Variants in BRIP1 observed in about 807,000 individuals in gnomAD.
BRIP1 encodes the protein Fanconi anemia group J protein.
Under a neutral mutation model 119.7 loss-of-function variants are expected in BRIP1, and 88 were observed. The observed-to-expected ratio is 0.74, with a 90% CI of 0.62 to 0.88. The LOEUF (loss-of-function observed/expected upper bound fraction) is 0.88. BRIP1 is among the 40% of genes least tolerant of loss of function. The probability of loss-of-function intolerance (pLI) is 0.00; values close to 1 mark genes in which losing one functional copy is unlikely to be tolerated. For synonymous variants in BRIP1, 443 were observed against 496.5 expected, an observed-to-expected ratio of 0.89 and a Z score of 1.43; for missense variants, 1,259 against 1,455.4, an observed-to-expected ratio of 0.87 and a Z score of 2.20.
At position 61,743,821 on chromosome 17, in the gene BRIP1, G is replaced by A. The variant is rs1434586355; in HGVS notation, c.2257+611C>T. 1.3e-5 allele frequency among the ~76,000 whole-genome samples: 2 copies of A among 152,038 alleles called. No homozygotes were observed. On this transcript the variant is annotated intron_variant, in intron 15 of 19. Transcript: ENST00000259008. This position sits in a 1 kb window ranked among gnomAD's most constrained non-coding sequence, Gnocchi z 4.3. ...TCCCACCTCGGCCTCCTAAGTAGTTGGAACTATAGGCACATGCACCACACC... is the reference window on the plus strand; with the variant it reads ...TCCCACCTCGGCCTCCTAAGTAGTTAGAACTATAGGCACATGCACCACACC...
At position 61,838,176 on chromosome 17, in the gene BRIP1, A is replaced by G. The variant is rs552144326; in HGVS notation, c.627+8925T>C. ...CATTAATTTATGAATCCAAATAAAT[A>G]TTTCTATTTAAAAAATACTGTACTC... On this transcript the variant is annotated intron_variant, in intron 6 of 19. Coordinates refer to ENST00000259008, the MANE Select transcript of BRIP1 (RefSeq NM_032043.3). Among the ~76,000 whole-genome samples, 567 of 152,284 alleles carry G rather than the reference A, an allele frequency of 3.7e-3. 5 individuals are homozygous for G. Among genetic ancestry groups the G allele is most frequent in the African/African-American group, 0.013 (549 of 41,570 alleles).
intron 14 of BRIP1, among the ~76,000 whole-genome samples, chr17:61,773,792 T>A (rs937321297): frequency 6.6e-6 from 1 of 152,030 alleles, no homozygotes; most frequent in African/African-American, 2.4e-5. Flanking sequence ...AACAGACACT[T>A]CTCAAAAGAA....
chr17:61,841,801 C>G lies in BRIP1; in HGVS notation c.627+5300G>C, dbSNP rs995704547. ...CAAGTGATCGCCCATGCCTCAGCCT[C>G]CCAAGTAGCTAGGACTGCAGGCACG... On this transcript the variant is annotated intron_variant, in intron 6 of 19. Transcript: ENST00000259008. The surrounding 1 kb of genome is among the most constrained non-coding windows in gnomAD (Gnocchi z 4.1). Among the ~76,000 whole-genome samples, 2 of 152,134 alleles carry G rather than the reference C, an allele frequency of 1.3e-5. No individual in the cohort carries two copies. The highest frequency in any genetic ancestry group is 4.8e-5 in the African/African-American group (2 of 41,430).
chr17:61,804,121 T>C lies in BRIP1; in HGVS notation c.919-2647A>G. Among the ~76,000 whole-genome samples, 1 of 152,108 alleles carries C rather than the reference T, an allele frequency of 6.6e-6. No individual in the cohort carries two copies. The highest frequency in any genetic ancestry group is 2.4e-5 in the African/African-American group (1 of 41,424). ...ATTCTGGTAGAATAGATATATAAAATCTTACAGTAGTTACCTTAAAGGATT... is the reference window on the plus strand; with the variant it reads ...ATTCTGGTAGAATAGATATATAAAACCTTACAGTAGTTACCTTAAAGGATT... On this transcript the variant is annotated intron_variant, in intron 7 of 19. Transcript: ENST00000259008. The surrounding 1 kb of genome is among the most constrained non-coding windows in gnomAD (Gnocchi z 4.5).
At chr17:61,707,424 A>G (rs1371818799) in intron 17 of BRIP1, among the ~76,000 whole-genome samples, 1 of 152,156 alleles carries the variant, frequency 6.6e-6, no homozygotes, top group Non-Finnish European at 1.5e-5. Context: ...TCAACCAAGA[A>G]ATCGTGTTAC....
At position 61,683,399 on chromosome 17, in the gene BRIP1, G is replaced by A. The variant is rs1567727417; in HGVS notation, c.3647C>T (p.Thr1216Ile). The part of the protein sequence containing the change: ...IDDIDGNVKT[T>I]WINELELGKT... ...TCCCAGTTCCAGTTCATTTATCCAA[G>A]TTGTTTTTACATTACCATCAATGTC... Residue 1216 changes from threonine to isoleucine, a missense_variant, in exon 20 of 20, where the codon ACT becomes ATT. Transcript: ENST00000259008. This position sits in a 1 kb window ranked among gnomAD's most constrained non-coding sequence, Gnocchi z 4.7. 2.5e-6 allele frequency: 4 copies of A among 1,613,298 alleles called. No individual in the cohort carries two copies. The highest frequency in any genetic ancestry group is 1.3e-5 in the African/African-American group (1 of 74,968).
At chr17:61,818,701 G>A (rs867619042) in intron 6 of BRIP1, among the ~76,000 whole-genome samples, 27 of 151,976 alleles carry the variant, frequency 1.8e-4, no homozygotes, top group South Asian at 6.2e-4. Flanking sequence ...TTCTTTTAGC[G>A]GGTTTCTATT....
Position 61,841,806 on chromosome 17 carries a change from GTAGC to G in BRIP1, c.627+5291_627+5294del. Among the ~76,000 whole-genome samples, 1 of 152,240 alleles carries G rather than the reference GTAGC, an allele frequency of 6.6e-6. No homozygotes were observed. The highest frequency in any genetic ancestry group is 1.9e-4 in the East Asian group (1 of 5,182). ...GATCGCCCATGCCTCAGCCTCCCAA[GTAGC>G]TAGGACTGCAGGCACGTACCACCAC... On this transcript the variant is annotated intron_variant, in intron 6 of 19. Transcript: ENST00000259008. The surrounding 1 kb of genome is among the most constrained non-coding windows in gnomAD (Gnocchi z 4.1).
chr17:61,765,281 A>C (rs1413328334), intron 14 of BRIP1, among the ~76,000 whole-genome samples: 1 of 147,450 alleles, frequency 6.8e-6, no homozygotes, highest in African/African-American at 2.5e-5. Context: ...TATTCTCCCT[A>C]GATTTTTCAC....
At position 61,770,485 on chromosome 17, in the gene BRIP1, C is replaced by T. The variant is rs1349227157; in HGVS notation, c.2097+5916G>A. ...TGTGTTTTAACATAGATACAAAAGA[C>T]AATATAAAATGTATTCTGTTTTTAA... On this transcript the variant is annotated intron_variant, in intron 14 of 19. Coordinates refer to ENST00000259008, the MANE Select transcript of BRIP1 (RefSeq NM_032043.3). The surrounding 1 kb of genome is among the most constrained non-coding windows in gnomAD (Gnocchi z 4.7). 2.0e-5 allele frequency among the ~76,000 whole-genome samples: 3 copies of T among 151,928 alleles called. No homozygotes were observed. Among genetic ancestry groups the T allele is most frequent in the Non-Finnish European group, 2.9e-5 (2 of 67,962 alleles).
At chr17:61,833,952 C>A (rs1427179726) in intron 6 of BRIP1, among the ~76,000 whole-genome samples, 3 of 152,042 alleles carry the variant, frequency 2.0e-5, no homozygotes, top group Non-Finnish European at 4.4e-5. Context: ...GTTTTGTGAG[C>A]CATATGGTCT....
Position 61,685,528 on chromosome 17 carries a change from C to A in BRIP1, c.2905+308G>T, listed in dbSNP as rs1165944119. The A allele has an allele frequency of 3.0e-5, 13 of 436,194 alleles. No homozygotes were observed. In the Admixed American group the frequency reaches 5.3e-4, roughly 18 times the overall value. The allele number at this position is 436,194 out of a possible 1,614,324, so 27.0% of individuals were successfully genotyped here. A position where few individuals can be genotyped will look rare whatever the true frequency, so the allele number is the denominator to read the frequency against. Reference sequence around the variant, plus strand: ...ATAATTTTGACCTTTACAACCCAACCTGAAGGGATAGCTAGGCAGGCATTT... The same window carrying A: ...ATAATTTTGACCTTTACAACCCAACATGAAGGGATAGCTAGGCAGGCATTT... On this transcript the variant is annotated intron_variant, in intron 19 of 19. Coordinates refer to ENST00000259008, the MANE Select transcript of BRIP1 (RefSeq NM_032043.3).
Position 61,704,854 on chromosome 17 carries a change from CTCTT to C in BRIP1, c.2492+11093_2492+11096del, listed in dbSNP as rs532959359. On this transcript the variant is annotated intron_variant, in intron 17 of 19. Coordinates refer to ENST00000259008, the MANE Select transcript of BRIP1 (RefSeq NM_032043.3). The surrounding 1 kb of genome is among the most constrained non-coding windows in gnomAD (Gnocchi z 5.7). ...TTCCTGATATTAGTAACTGTGGCTT[CTCTT>C]TTTTTTCTTTGTTAATTTTGCTAGA... Among the ~76,000 whole-genome samples, 41 of 152,032 alleles carry C rather than the reference CTCTT, an allele frequency of 2.7e-4. No individual in the cohort carries two copies. In the South Asian group the frequency reaches 8.5e-3, roughly 32 times the overall value.
rs958920808 is a variant in BRIP1, at chr17:61,799,991, G to A, written c.1141-692C>T. ...CCATCCTTCTGTGGTCACAGTGACT[G>A]GTTCAGGTTCAGGAACAGACATGTG... On this transcript the variant is annotated intron_variant, in intron 8 of 19. Coordinates refer to ENST00000259008, the MANE Select transcript of BRIP1 (RefSeq NM_032043.3). This position sits in a 1 kb window ranked among gnomAD's most constrained non-coding sequence, Gnocchi z 5.1. Among the ~76,000 whole-genome samples the A allele has an allele frequency of 1.8e-4, 28 of 152,090 alleles. No individual in the cohort carries two copies. The highest frequency in any genetic ancestry group is 5.6e-4 in the African/African-American group (23 of 41,412).
Position 61,780,811 on chromosome 17 carries a change from C to A in BRIP1, c.1794+29G>T, listed in dbSNP as rs776389349. 111 of 1,608,654 alleles carry A rather than the reference C, an allele frequency of 6.9e-5. No homozygotes were observed. The highest frequency in any genetic ancestry group is 8.8e-5 in the Non-Finnish European group (103 of 1,175,174). On this transcript the variant is annotated intron_variant, in intron 12 of 19. Coordinates refer to ENST00000259008, the MANE Select transcript of BRIP1 (RefSeq NM_032043.3). This position sits in a 1 kb window ranked among gnomAD's most constrained non-coding sequence, Gnocchi z 5.4. ...AAAATGCTGGTACTGAGCAAGAAGA[C>A]AAAATTTCCATTTACATGATGAGCT...
intron 14 of BRIP1, among the ~76,000 whole-genome samples, chr17:61,772,746 A>G (rs1310898641): frequency 6.9e-6 from 1 of 144,212 alleles, no homozygotes; most frequent in African/African-American, 2.5e-5. Flanking sequence ...TGAACCCGGG[A>G]GGCAGAGGTT....
At chr17:61,817,672 A>G (rs1006906057) in intron 6 of BRIP1, among the ~76,000 whole-genome samples, 1 of 152,238 alleles carries the variant, frequency 6.6e-6, no homozygotes, top group Non-Finnish European at 1.5e-5. Flanking sequence ...CAACTAACTG[A>G]ATTTTAATTT....
rs552700093 is a variant in BRIP1, at chr17:61,814,932, T to C, written c.628-6175A>G. Among the ~76,000 whole-genome samples, 1 of 152,066 alleles carries C rather than the reference T, an allele frequency of 6.6e-6. No individual in the cohort carries two copies. The highest frequency in any genetic ancestry group is 6.6e-5 in the Admixed American group (1 of 15,256). ...GACATCGATAAACATGAACAAGCAG[T>C]TGAACAGGCTGAGTATGGCTTAAAC... On this transcript the variant is annotated intron_variant, in intron 6 of 19. Transcript: ENST00000259008. The surrounding 1 kb of genome is among the most constrained non-coding windows in gnomAD (Gnocchi z 4.9).
intron 5 of BRIP1, 65 bp downstream of exon 5, chr17:61,849,064 G>T (rs2078775703): frequency 6.4e-7 from 1 of 1,562,996 alleles, no homozygotes; most frequent in Non-Finnish European, 8.8e-7. Flanking sequence ...TTAAAAACAT[G>T]ATACTTGACT....
Sources: allele counts gnomAD v4.1 joint callset (sites outside exome capture counted in the v4.1 genomes callset), GRCh38; gene constraint gnomAD v4.1.1; non-coding constraint Gnocchi (gnomAD v3.1); transcripts MANE v1.5; gene names NCBI Gene and HGNC (gene_info 2026-07-23, HGNC 2026-07-21).